Variants in TRAF3 observed in about 807,000 individuals in gnomAD.
TRAF3 encodes TNF receptor associated factor 3, also known as TNF receptor-associated factor 3.
In TRAF3, 13 loss-of-function variants were observed where a neutral mutation model predicts 62.3. That is an observed-to-expected ratio of 0.21 (90% CI 0.14 to 0.33). TRAF3 has a LOEUF of 0.33. Ranked by LOEUF, TRAF3 falls within the 10% of genes least tolerant of loss-of-function variation. TRAF3 has a pLI of 1.00. For missense variants in TRAF3, 440 were observed against 741.8 expected (o/e 0.59, Z 4.73); for synonymous variants, 269 against 283.4 (o/e 0.95, Z 0.51).
At chr14:102,837,642 A>G (rs1271464960) in intron 2 of TRAF3, among the ~76,000 whole-genome samples, 1 of 128,720 alleles carries the variant, frequency 7.8e-6, no homozygotes, top group Non-Finnish European at 1.6e-5. Flanking sequence ...TCAAAACAGT[A>G]AAAAAAAAAA....
intron 1 of TRAF3, among the ~76,000 whole-genome samples, chr14:102,796,227 C>G (rs1469936109): frequency 6.6e-6 from 1 of 152,124 alleles, no homozygotes; most frequent in African/African-American, 2.4e-5. Flanking sequence ...AACAAACAAA[C>G]AAACACTCAA....
chr14:102,868,032 G>A (rs1037948493), intron 2 of TRAF3, among the ~76,000 whole-genome samples: 1 of 152,244 alleles, frequency 6.6e-6, no homozygotes, highest in African/African-American at 2.4e-5. Flanking sequence ...CAAGAACGGG[G>A]CTCGGAAGCA....
intron 2 of TRAF3, among the ~76,000 whole-genome samples, chr14:102,844,139 A>T (rs966591863): frequency 6.6e-6 from 1 of 151,922 alleles, no homozygotes; most frequent in Non-Finnish European, 1.5e-5. Context: ...GTGTAAACAC[A>T]TACATATGTT....
intron 2 of TRAF3, among the ~76,000 whole-genome samples, chr14:102,845,351 C>T (rs1382746951): frequency 1.3e-5 from 2 of 148,620 alleles, no homozygotes; most frequent in Admixed American, 6.7e-5. Flanking sequence ...TACAGGCGCA[C>T]GCCACTAGCT....
intron 6 of TRAF3, among the ~76,000 whole-genome samples, chr14:102,877,619 G>T (rs1888777398): frequency 7.1e-6 from 1 of 140,786 alleles, no homozygotes; most frequent in Non-Finnish European, 1.5e-5. Context: ...TGTTCCACAG[G>T]CCTTCCGCTC....
At chr14:102,781,192 T>G (rs964982066) in intron 1 of TRAF3, among the ~76,000 whole-genome samples, 1 of 152,174 alleles carries the variant, frequency 6.6e-6, no homozygotes, top group East Asian at 1.9e-4. Flanking sequence ...CCTCCCACTT[T>G]GTTTTGGTAA....
intron 1 of TRAF3, among the ~76,000 whole-genome samples, chr14:102,805,011 A>T (rs1431042899): frequency 6.6e-6 from 1 of 152,246 alleles, no homozygotes; most frequent in Non-Finnish European, 1.5e-5. Context: ...CCCTGGACGT[A>T]GAAGAATTTG....
At position 102,889,592 on chromosome 14, in the gene TRAF3, C is replaced by A. The variant is rs1461964588; in HGVS notation, c.684C>A (p.Ala228=). The change falls in exon 8 of 12, where the codon GCC becomes GCA. Residue 228 remains alanine (A), a synonymous_variant. Coordinates refer to ENST00000392745, the MANE Select transcript of TRAF3 (RefSeq NM_145725.3). The part of the protein sequence containing the change: ...LSAHLSECVN[A]PSTCSFKRYG... ...CACACTTGTCAGAGTGTGTCAATGC[C>A]CCCAGCACCTGTAGTTTTAAGCGCT... 1 of 1,614,216 alleles carries A rather than the reference C, an allele frequency of 6.2e-7. No individual in the cohort carries two copies. The highest frequency in any genetic ancestry group is 8.5e-7 in the Non-Finnish European group (1 of 1,180,042).
intron 1 of TRAF3, among the ~76,000 whole-genome samples, chr14:102,797,132 C>T (rs1898137267): frequency 6.6e-6 from 1 of 152,220 alleles, no homozygotes; most frequent in Non-Finnish European, 1.5e-5. Context: ...CTTGGCCTGT[C>T]TCCTCTCTGT....
chr14:102,862,327 A>G (rs1040018807), intron 2 of TRAF3, among the ~76,000 whole-genome samples: 6 of 150,186 alleles, frequency 4.0e-5, no homozygotes, highest in African/African-American at 1.2e-4. Context: ...TGATCCCAGG[A>G]GTTGGAGACT....
intron 6 of TRAF3, among the ~76,000 whole-genome samples, chr14:102,883,285 A>T (rs1000809534): frequency 6.6e-6 from 1 of 152,266 alleles, no homozygotes; most frequent in Non-Finnish European, 1.5e-5. Flanking sequence ...CAATAGGCAG[A>T]TGAGTCTAAG....
intron 1 of TRAF3, among the ~76,000 whole-genome samples, chr14:102,820,595 T>TATATC (rs1344412210): frequency 3.5e-4 from 3 of 8,616 alleles, no homozygotes; most frequent in Admixed American, 3.2e-3. Flanking sequence ...TATATATATA[T>TATATC]ATATATATAT....
At chr14:102,848,089 A>G (rs1039035169) in intron 2 of TRAF3, among the ~76,000 whole-genome samples, 6 of 152,168 alleles carry the variant, frequency 3.9e-5, no homozygotes, top group African/African-American at 1.4e-4. Flanking sequence ...CTCATGGAGT[A>G]TTGCATTTTT....
At chr14:102,851,191 C>T (rs1021091739) in intron 2 of TRAF3, among the ~76,000 whole-genome samples, 11 of 152,064 alleles carry the variant, frequency 7.2e-5, no homozygotes, top group Non-Finnish European at 1.5e-5. Flanking sequence ...GTAGAATTGC[C>T]ATTAACTTAT....
chr14:102,882,102 C>T (rs1889103821), intron 6 of TRAF3, among the ~76,000 whole-genome samples: 3 of 152,116 alleles, frequency 2.0e-5, no homozygotes, highest in Admixed American at 2.0e-4. Flanking sequence ...AATAACATGC[C>T]AACAAGGAAG....
intron 7 of TRAF3, among the ~76,000 whole-genome samples, chr14:102,887,529 A>G (rs1016791429): frequency 2.6e-5 from 4 of 152,366 alleles, no homozygotes; most frequent in African/African-American, 9.6e-5. Flanking sequence ...GGAAAAATAA[A>G]TGTAAATTAT....
chr14:102,811,977 G>T (rs1899209338), intron 1 of TRAF3, among the ~76,000 whole-genome samples: 1 of 114,762 alleles, frequency 8.7e-6, no homozygotes, highest in Non-Finnish European at 1.6e-5. Flanking sequence ...TGCTAAGGCT[G>T]GTCTCAAACT....
chr14:102,863,211 T>C (rs896476429), intron 2 of TRAF3, among the ~76,000 whole-genome samples: 1 of 152,226 alleles, frequency 6.6e-6, no homozygotes, highest in South Asian at 2.1e-4. Context: ...ACTGGAACTT[T>C]TGAATTTTTA....
At chr14:102,858,157 T>C (rs551255269) in intron 2 of TRAF3, among the ~76,000 whole-genome samples, 6 of 151,238 alleles carry the variant, frequency 4.0e-5, no homozygotes, top group East Asian at 1.9e-4. Flanking sequence ...TGTTCTTCTT[T>C]TTTTTTTTTT....
Sources: gnomAD v4.1 joint callset for allele counts (sites outside exome capture counted in the v4.1 genomes callset) on GRCh38, gnomAD v4.1.1 for gene constraint, MANE v1.5 for transcripts, NCBI Gene and HGNC (gene_info 2026-07-23, HGNC 2026-07-21) for gene names.